The following SGSM1 variants were observed in gnomAD, a reference collection of about 807,000 sequenced individuals.
SGSM1 encodes small G protein signaling modulator 1.
In SGSM1, 73 loss-of-function variants were observed where a neutral mutation model predicts 133.8. The observed-to-expected ratio is 0.55, with a 90% CI of 0.45 to 0.66. The LOEUF is 0.66. Among genes scored for constraint, SGSM1 ranks in the 30% least tolerant of loss-of-function variants. SGSM1 has a pLI of 0.00. For synonymous variants in SGSM1, 563 were observed against 573.0 expected (o/e 0.98, Z 0.25); for missense variants, 1,213 against 1,448.1 (o/e 0.84, Z 2.64).
intron 8 of SGSM1, chr22:24,855,920 T>G: frequency 1.5e-6 from 1 of 684,334 alleles, no homozygotes; most frequent in Non-Finnish European, 2.6e-6. Context: ...CAACCATCCA[T>G]CCATCCACCC....
intron 2 of SGSM1, among the ~76,000 whole-genome samples, chr22:24,834,595 C>T (rs1186275623): frequency 6.6e-6 from 1 of 152,184 alleles, no homozygotes; most frequent in African/African-American, 2.4e-5. Context: ...GATTTTCTCA[C>T]AGCTCTGGAG....
At position 24,833,489 on chromosome 22, in the gene SGSM1, C is replaced by G. The variant is rs559235741; in HGVS notation, c.64-11408C>G. 2.4e-4 allele frequency among the ~76,000 whole-genome samples: 37 copies of G among 151,822 alleles called. No homozygotes were observed. The South Asian group carries it at 6.9e-3, about 28-fold the overall frequency. ...CCTGGCCAACATGGTGAAACCCCAT[C>G]TCTACTAAAAATACAAAAATCAGCT... On this transcript the variant is annotated intron_variant, in intron 2 of 24. Coordinates refer to ENST00000400358, the MANE Select transcript of SGSM1 (RefSeq NM_001098497.3).
intron 21 of SGSM1, 138 bp from the exon 22 acceptor site, chr22:24,912,505 C>T (rs1368190391): frequency 5.0e-5 from 30 of 603,276 alleles, no homozygotes; most frequent in East Asian, 4.1e-4. Context: ...GGTGAAACCC[C>T]GTCTCTACTA....
chr22:24,879,566 C>A, intron 14 of SGSM1, 40 bp downstream of exon 14: 1 of 1,593,138 alleles, frequency 6.3e-7, no homozygotes, highest in African/African-American at 1.3e-5. Context: ...CTCCGTGGAG[C>A]AGCTATTGGT....
chr22:24,876,777 C>T (rs1932049216), intron 13 of SGSM1, 62 bp downstream of exon 13: 2 of 1,602,298 alleles, frequency 1.2e-6, no homozygotes, highest in Admixed American at 1.7e-5. Flanking sequence ...TCTGTAGATG[C>T]CCATGTCTTA....
chr22:24,904,333 C>A (rs1219274202), intron 20 of SGSM1, among the ~76,000 whole-genome samples: 1 of 152,046 alleles, frequency 6.6e-6, no homozygotes, highest in Non-Finnish European at 1.5e-5. Flanking sequence ...GTAATCCCAG[C>A]ACTTTGGGAG....
rs576331542 is a variant in SGSM1, at chr22:24,816,582, A to G, written c.63+10098A>G. ...AGGCATGCACCATCATGCCTGGCTA[A>G]TTTTTGTATTGACAGGGTTTCACCA... On this transcript the variant is annotated intron_variant, in intron 2 of 24. Transcript: ENST00000400358. 9.2e-5 allele frequency among the ~76,000 whole-genome samples: 14 copies of G among 152,004 alleles called. No individual in the cohort carries two copies. The South Asian group carries it at 2.5e-3, about 27-fold the overall frequency.
intron 13 of SGSM1, 26 bp downstream of exon 13, chr22:24,876,741 G>A (rs1457340501): frequency 1.9e-6 from 3 of 1,613,792 alleles, no homozygotes; most frequent in Admixed American, 3.3e-5. Context: ...GCTGCAGATG[G>A]AGAGAGCTGA....
chr22:24,852,466 T>A (rs1930535667), intron 5 of SGSM1, among the ~76,000 whole-genome samples: 1 of 152,138 alleles, frequency 6.6e-6, no homozygotes, highest in Admixed American at 6.5e-5. Context: ...ATTTTTGAGA[T>A]GGAGTCTCAC....
intron 14 of SGSM1, among the ~76,000 whole-genome samples, chr22:24,882,242 AT>A (rs202028860): frequency 1.3e-5 from 2 of 151,186 alleles, no homozygotes; most frequent in Non-Finnish European, 3.0e-5. Flanking sequence ...AGTTTTTTGT[AT>A]TTTTTTTGTA....
chr22:24,858,057 G>A (rs2147857414), intron 8 of SGSM1, among the ~76,000 whole-genome samples: 1 of 152,238 alleles, frequency 6.6e-6, no homozygotes, highest in Admixed American at 6.5e-5. Context: ...GCTCACTGCA[G>A]CCTCAAACTC....
chr22:24,854,058 A>G (rs1301707154), intron 5 of SGSM1, among the ~76,000 whole-genome samples: 7 of 152,118 alleles, frequency 4.6e-5, no homozygotes, highest in South Asian at 2.1e-4. Context: ...CCATGATTCA[A>G]TTACCTCCCC....
In SGSM1 at chr22:24,917,040, G is replaced by A. The variant is rs564101830; in HGVS notation, c.2929-618G>A. On this transcript the variant is annotated intron_variant, in intron 22 of 24. Transcript: ENST00000400358. ...ACTACATGCCCAGGCCACCATGCCA[G>A]GCTAATAAAAAATTCTTTTTTTTTT... Among the ~76,000 whole-genome samples the A allele has an allele frequency of 9.0e-5, 13 of 145,122 alleles. No individual in the cohort carries two copies. In the East Asian group the frequency reaches 1.0e-3, roughly 11 times the overall value.
intron 2 of SGSM1, among the ~76,000 whole-genome samples, chr22:24,843,182 G>A (rs1929904336): frequency 6.6e-6 from 1 of 152,170 alleles, no homozygotes; most frequent in African/African-American, 2.4e-5. Context: ...TAGTTTTCAG[G>A]GTTAGAAATG....
intron 9 of SGSM1, 48 bp downstream of exon 9, chr22:24,859,888 T>G: frequency 6.2e-7 from 1 of 1,608,386 alleles, no homozygotes; most frequent in Non-Finnish European, 8.5e-7. Flanking sequence ...TCCACTCGCC[T>G]TGGCACAAGG....
chr22:24,874,345 C>G, intron 12 of SGSM1: 1 of 1,491,540 alleles, frequency 6.7e-7, no homozygotes. Flanking sequence ...ACTGGCTCTT[C>G]CAGCTGTCTC....
At chr22:24,854,820 A>G (rs139680) in intron 5 of SGSM1, among the ~76,000 whole-genome samples, 176 bp from the exon 6 acceptor site, 18,728 of 152,122 alleles carry the variant, frequency 0.12, 1,854 homozygotes, top group African/African-American at 0.27. Context: ...TATCTTAAAA[A>G]AAAGAAATCC....
Position 24,876,667 on chromosome 22 carries a change from A to T in SGSM1, c.1382A>T (p.Gln461Leu). ...PRKSSCSSCS[Q>L]SGSADGSSTN... ...AAGTCCTCCTGTTCATCCTGTTCAC[A>T]GAGTGGCTCGGCTGATGGTAGCTCG... is the stretch of plus-strand genomic sequence containing the variant. Residue 461 changes from glutamine to leucine, a missense_variant, in exon 13 of 25, where the codon CAG (glutamine) becomes CTG (leucine). Coordinates refer to ENST00000400358, the MANE Select transcript of SGSM1 (RefSeq NM_001098497.3). 6.2e-7 allele frequency: 1 copy of T among 1,613,996 alleles called. No individual in the cohort carries two copies. Among genetic ancestry groups the T allele is most frequent in the Non-Finnish European group, 8.5e-7 (1 of 1,179,882 alleles).
intron 20 of SGSM1, among the ~76,000 whole-genome samples, 172 bp from the exon 21 acceptor site, chr22:24,904,933 G>T (rs977436167): frequency 6.6e-6 from 1 of 152,146 alleles, no homozygotes; most frequent in Non-Finnish European, 1.5e-5. Context: ...GGTCATCCTG[G>T]TGGCTGCACA....
Sources: allele counts gnomAD v4.1 joint callset (sites outside exome capture counted in the v4.1 genomes callset), GRCh38; gene constraint gnomAD v4.1.1; transcripts MANE v1.5; gene names NCBI Gene and HGNC (gene_info 2026-07-23, HGNC 2026-07-21).